RBPJ: variants seen among roughly 807,000 people sequenced by gnomAD.
RBPJ encodes recombining binding protein suppressor of hairless.
Under a neutral mutation model 67.8 loss-of-function variants are expected in RBPJ, and 9 were observed. That is an observed-to-expected ratio of 0.13 (90% CI 0.08 to 0.23). The LOEUF is 0.23. RBPJ is among the 10% of genes least tolerant of loss of function. The pLI is 1.00. For missense variants in RBPJ, 305 were observed against 595.6 expected (o/e 0.51, Z 5.08); for synonymous variants, 198 against 203.3 (o/e 0.97, Z 0.22).
In RBPJ at chr4:26,432,016, T is replaced by C. The variant is rs1393281892; in HGVS notation, c.*1009T>C. On this transcript the variant is annotated 3_prime_UTR_variant, in exon 11 of 11. Transcript: ENST00000355476. ...GTGTTCCAGGATTTGTTCAGGTTTT[T>C]CCCCCCTCCTAATCTTGTACATAAC... The C allele has an allele frequency of 2.0e-5, 3 of 152,190 alleles. No homozygotes were observed. The East Asian group carries it at 5.8e-4, about 29-fold the overall frequency. The allele number at this position is 152,190 out of a possible 1,614,324, so 9.4% of individuals were successfully genotyped here.
chr4:26,398,757 G>C (rs1022485214), intron 2 of RBPJ, among the ~76,000 whole-genome samples: 1 of 152,142 alleles, frequency 6.6e-6, no homozygotes, highest in African/African-American at 2.4e-5. Context: ...CAGACTACAG[G>C]CGTCTGCCAC....
intron 1 of RBPJ, among the ~76,000 whole-genome samples, chr4:26,290,579 A>G (rs1721635004): frequency 6.6e-6 from 1 of 150,744 alleles, no homozygotes; most frequent in Non-Finnish European, 1.5e-5. Flanking sequence ...GCTTTATACC[A>G]TATGACATAG....
chr4:26,342,461 A>C (rs182589362), intron 1 of RBPJ, among the ~76,000 whole-genome samples: 9 of 152,302 alleles, frequency 5.9e-5, no homozygotes, highest in Non-Finnish European at 1.5e-5. Flanking sequence ...GCTGCTTTGT[A>C]GTATGAACAT....
chr4:26,188,892 T>C (rs1717375347), intron 1 of RBPJ, among the ~76,000 whole-genome samples: 1 of 152,214 alleles, frequency 6.6e-6, no homozygotes, highest in African/African-American at 2.4e-5. Flanking sequence ...ATTTTATAAG[T>C]ATTAAACAGG....
the RBPJ span, among the ~76,000 whole-genome samples, chr4:26,133,657 G>A: frequency 6.6e-6 from 1 of 152,158 alleles, no homozygotes; most frequent in South Asian, 2.1e-4. Context: ...GCACATATGA[G>A]GGATCTAGGT....
chr4:26,219,522 T>G lies in RBPJ; in HGVS notation c.-167+55908T>G, dbSNP rs529425651. 6.6e-5 allele frequency among the ~76,000 whole-genome samples: 10 copies of G among 152,318 alleles called. No individual in the cohort carries two copies. In the East Asian group the frequency reaches 1.7e-3, roughly 26 times the overall value. On this transcript the variant is annotated intron_variant, in intron 1 of 4. Transcript: ENST00000512351. ...CTGCTTCTAACCTTCATTATTTAAC[T>G]TCTCTAAGCTTCAGCTATACAAGAA...
intron 1 of RBPJ, among the ~76,000 whole-genome samples, chr4:26,224,526 G>A (rs1719020834): frequency 6.6e-6 from 1 of 152,166 alleles, no homozygotes; most frequent in African/African-American, 2.4e-5. Flanking sequence ...GTACAAAAGA[G>A]AGGAACTTCC....
chr4:26,264,990 TGAAGTATTTATACCCTATTCATAGG>T lies in RBPJ; in HGVS notation c.-166-97451_-166-97427del, dbSNP rs914838809. On this transcript the variant is annotated intron_variant, in intron 1 of 4. Coordinates refer to the RBPJ transcript ENST00000512351. This position sits in a 1 kb window ranked among gnomAD's most constrained non-coding sequence, Gnocchi z 4.1. ...GAGACTCAAAGAAAGGACAGATGGT[TGAAGTATTTATACCCTATTCATAGG>T]GAAGAGAAAAATAGGGGTATAGGCA... Among the ~76,000 whole-genome samples the T allele has an allele frequency of 1.3e-5, 2 of 152,174 alleles. No individual in the cohort carries two copies. The highest frequency in any genetic ancestry group is 4.8e-5 in the African/African-American group (2 of 41,438).
intron 1 of RBPJ, among the ~76,000 whole-genome samples, chr4:26,252,730 G>A (rs1450981049): frequency 6.6e-6 from 1 of 152,202 alleles, no homozygotes; most frequent in African/African-American, 2.4e-5. Flanking sequence ...TTTCAGACCA[G>A]GTTCATCATT....
At chr4:26,139,939 TA>T in the RBPJ span, among the ~76,000 whole-genome samples, 1 of 152,214 alleles carries the variant, frequency 6.6e-6, no homozygotes, top group Non-Finnish European at 1.5e-5. Flanking sequence ...TCTCTGGCTG[TA>T]GGTCATGAGA....
rs1451090790 is a variant in RBPJ, at chr4:26,201,300, G to A, written c.-167+37686G>A. Among the ~76,000 whole-genome samples the A allele has an allele frequency of 2.6e-5, 4 of 152,104 alleles. No individual in the cohort carries two copies. In the South Asian group the frequency reaches 6.2e-4, roughly 24 times the overall value. ...GTGGTATAATTAGGATGTTGGAGAC[G>A]GAAAAAGGATGGTGTAACTTTTACT... is the stretch of plus-strand genomic sequence containing the variant. On this transcript the variant is annotated intron_variant, in intron 1 of 4. Transcript: ENST00000512351.
chr4:26,270,131 G>T lies in RBPJ; in HGVS notation c.-166-92315G>T, dbSNP rs116676933. 6.3e-3 allele frequency among the ~76,000 whole-genome samples: 957 copies of T among 151,160 alleles called. 9 individuals are homozygous for T. The highest frequency in any genetic ancestry group is 0.022 in the African/African-American group (907 of 41,120). On this transcript the variant is annotated intron_variant, in intron 1 of 4. Coordinates refer to the RBPJ transcript ENST00000512351. The stretch of plus-strand genomic sequence containing the variant: ...ACCTCACCTCTACTAACAATACAAA[G>T]CTTACCCAGGTGTGGTGGCAGTCAC...
intron 1 of RBPJ, among the ~76,000 whole-genome samples, chr4:26,307,436 T>C (rs530143095): frequency 2.0e-5 from 3 of 152,370 alleles, no homozygotes; most frequent in African/African-American, 7.2e-5. Flanking sequence ...AGATTCTGTG[T>C]TTCATTGCTT....
intron 1 of RBPJ, among the ~76,000 whole-genome samples, chr4:26,365,281 G>A (rs1378435010): frequency 2.0e-5 from 3 of 151,904 alleles, no homozygotes; most frequent in African/African-American, 7.3e-5. Context: ...AGTAAAATAA[G>A]CCATCACTAT....
At chr4:26,224,698 A>C (rs562513283) in intron 1 of RBPJ, among the ~76,000 whole-genome samples, 1 of 152,288 alleles carries the variant, frequency 6.6e-6, no homozygotes, top group African/African-American at 2.4e-5. Context: ...AAGTAACATG[A>C]GCTTCTACTG....
At chr4:26,263,948 C>T (rs1720630264) in intron 1 of RBPJ, among the ~76,000 whole-genome samples, 1 of 151,534 alleles carries the variant, frequency 6.6e-6, no homozygotes, top group African/African-American at 2.4e-5. Flanking sequence ...GATCTCGGCT[C>T]ACTGCAACCT....
At chr4:26,318,116 AACACACACACACGCACAC>A (rs1009977464), upstream of RBPJ, among the ~76,000 whole-genome samples, 1 of 151,004 alleles carries the variant, frequency 6.6e-6, no homozygotes, top group Non-Finnish European at 1.5e-5. Context: ...GGCAAACACA[AACACACACACACGCACAC>A]ACACACACAC....
At chr4:26,120,607 A>T in the RBPJ span, among the ~76,000 whole-genome samples, 25 of 151,596 alleles carry the variant, frequency 1.6e-4, no homozygotes, top group Admixed American at 2.6e-4. Flanking sequence ...CCTTGGCACC[A>T]TATTGCTCAA....
intron 1 of RBPJ, among the ~76,000 whole-genome samples, chr4:26,167,207 T>G (rs562305665): frequency 9.3e-4 from 142 of 152,272 alleles, no homozygotes; most frequent in Admixed American, 1.6e-3. Context: ...AGGCTCTTTT[T>G]TGGTTCCATA....
Sources: allele counts gnomAD v4.1 joint callset (sites outside exome capture counted in the v4.1 genomes callset), GRCh38; gene constraint gnomAD v4.1.1; non-coding constraint Gnocchi (gnomAD v3.1); transcripts MANE v1.5; gene names NCBI Gene and HGNC (gene_info 2026-07-23, HGNC 2026-07-21).